RABGAP1L: variants seen among roughly 807,000 people sequenced by gnomAD.
The protein encoded by RABGAP1L is RAB GTPase activating protein 1 like.
A neutral mutation model predicts 137.7 loss-of-function variants in RABGAP1L; 63 were observed. The observed-to-expected ratio is 0.46, with a 90% CI of 0.37 to 0.56. The LOEUF (loss-of-function observed/expected upper bound fraction) is 0.56. RABGAP1L is among the 20% of genes least tolerant of loss of function. The pLI is 0.00. For synonymous variants in RABGAP1L, 431 were observed against 433.7 expected (o/e 0.99, Z 0.08); for missense variants, 1,095 against 1,244.0 (o/e 0.88, Z 1.80).
In RABGAP1L at chr1:174,814,819, G is replaced by T. The variant is rs189306610; in HGVS notation, c.2340+2859G>T. ...TTCTCCTGCCTCAGCCTCCTGAGTA[G>T]CTGGGACTACAGTCATGTGCCACCA... On this transcript the variant is annotated intron_variant, in intron 19 of 25. Coordinates refer to ENST00000681986, the MANE Select transcript of RABGAP1L (RefSeq NM_001366446.1). Among the ~76,000 whole-genome samples the T allele has an allele frequency of 9.2e-3, 1,402 of 152,076 alleles. 14 individuals carry two copies. Among genetic ancestry groups the T allele is most frequent in the South Asian group, 0.016 (79 of 4,816 alleles).
At chr1:174,557,894 G>T (rs1280678618) in intron 13 of RABGAP1L, among the ~76,000 whole-genome samples, 1 of 152,230 alleles carries the variant, frequency 6.6e-6, no homozygotes, top group East Asian at 1.9e-4. Flanking sequence ...TCAACTTGGG[G>T]TCAGGGTTAT....
chr1:174,347,292 G>A (rs1011886263), intron 11 of RABGAP1L, among the ~76,000 whole-genome samples: 3 of 152,138 alleles, frequency 2.0e-5, no homozygotes, highest in Non-Finnish European at 4.4e-5. Flanking sequence ...TGGATGATCT[G>A]TTCATTGCTG....
chr1:174,722,356 T>G (rs780778033), intron 17 of RABGAP1L, among the ~76,000 whole-genome samples: 1 of 152,256 alleles, frequency 6.6e-6, no homozygotes, highest in Non-Finnish European at 1.5e-5. Flanking sequence ...TATATTGTTT[T>G]GTTATATGTA....
chr1:174,406,227 A>G (rs1287907636), intron 13 of RABGAP1L, among the ~76,000 whole-genome samples: 1 of 152,030 alleles, frequency 6.6e-6, no homozygotes, highest in Non-Finnish European at 1.5e-5. Flanking sequence ...TTGAGAAGTA[A>G]CAGTTTTCTT....
chr1:174,280,079 G>A (rs570324138), intron 10 of RABGAP1L, among the ~76,000 whole-genome samples: 1 of 150,984 alleles, frequency 6.6e-6, no homozygotes, highest in Admixed American at 6.6e-5. Context: ...GAGAGAGAGA[G>A]AGAGAGAGAG....
At chr1:174,195,813 CCTTCTTTCTTTCTATCCTT>C (rs973422184) in intron 1 of RABGAP1L, among the ~76,000 whole-genome samples, 3 of 98,534 alleles carry the variant, frequency 3.0e-5, no homozygotes, top group Non-Finnish European at 6.8e-5. Context: ...TTCTTTCTAT[CCTTCTTTCTTTCTATCCTT>C]CTTCTTCTTT....
intron 13 of RABGAP1L, among the ~76,000 whole-genome samples, chr1:174,554,130 G>T (rs756894131): frequency 6.6e-6 from 1 of 152,148 alleles, no homozygotes; most frequent in Non-Finnish European, 1.5e-5. Context: ...AAAATGAATT[G>T]ATTTAAGGCA....
chr1:174,463,471 A>G (rs1656941376), intron 13 of RABGAP1L, among the ~76,000 whole-genome samples: 1 of 147,058 alleles, frequency 6.8e-6, no homozygotes, highest in African/African-American at 2.5e-5. Flanking sequence ...ATGAGATCAC[A>G]TGGACACAGG....
chr1:174,930,461 T>C (rs1419452085), intron 19 of RABGAP1L, among the ~76,000 whole-genome samples: 1 of 151,742 alleles, frequency 6.6e-6, no homozygotes, highest in Admixed American at 6.6e-5. Context: ...GTGCCTGCAG[T>C]CACATGCCAC....
rs1022255077 is a variant in RABGAP1L at position 174,716,636 on chromosome 1, CTTATTTT to C, written c.2169+14390_2169+14396del. Among the ~76,000 whole-genome samples the C allele has an allele frequency of 4.6e-5, 7 of 152,078 alleles. No homozygotes were observed. In the East Asian group the frequency reaches 5.8e-4, roughly 13 times the overall value. On this transcript the variant is annotated intron_variant, in intron 17 of 25. Coordinates refer to ENST00000681986, the MANE Select transcript of RABGAP1L (RefSeq NM_001366446.1). Reference sequence around the variant, plus strand: ...TGTCTCACCGGGACTTTCAGAGGCTCTTATTTTTTATTTTTTTCTTTCGATACCTTTG... The same window carrying C: ...TGTCTCACCGGGACTTTCAGAGGCTCTTATTTTTTTCTTTCGATACCTTTG...
intron 18 of RABGAP1L, among the ~76,000 whole-genome samples, chr1:174,774,647 A>T (rs1184816659): frequency 6.6e-6 from 1 of 152,136 alleles, no homozygotes; most frequent in Non-Finnish European, 1.5e-5. Context: ...TGGCAGGGCA[A>T]GGCAAGCGGA....
chr1:174,993,261 G>C lies in RABGAP1L; in HGVS notation c.*3260G>C, dbSNP rs2149405306. On this transcript the variant is annotated 3_prime_UTR_variant, in exon 26 of 26. Transcript: ENST00000681986. ...GCCTATCAGGAACACTAATAGGAAT[G>C]CCATTCAACCAGTGTCTTCTGCCCC... 1 of 152,296 alleles carries C rather than the reference G, an allele frequency of 6.6e-6. No homozygotes were observed. The highest frequency in any genetic ancestry group is 3.4e-3 in the Middle Eastern group (1 of 294). The allele number at this position is 152,296 out of a possible 1,614,324, so 9.4% of individuals were successfully genotyped here.
Position 174,919,206 on chromosome 1 carries a change from C to T in RABGAP1L, c.2341-38251C>T, listed in dbSNP as rs375251220. On this transcript the variant is annotated intron_variant, in intron 19 of 25. Transcript: ENST00000681986. The stretch of plus-strand genomic sequence containing the variant: ...GCTAATTTTGTATTTTTAGTAGAGA[C>T]GGGGTTTCTCCATGTTGGTCAGGCT... Among the ~76,000 whole-genome samples, 24 of 152,134 alleles carry T rather than the reference C, an allele frequency of 1.6e-4. 1 individual carries two copies. Among genetic ancestry groups the T allele is most frequent in the African/African-American group, 5.3e-4 (22 of 41,532 alleles).
At chr1:174,220,686 A>G (rs1045250337) in intron 2 of RABGAP1L, 1 of 191,280 alleles carries the variant, frequency 5.2e-6, no homozygotes, top group African/African-American at 2.3e-5. Flanking sequence ...AAGGGGAAAA[A>G]AAGATAAATA....
chr1:174,499,090 A>G (rs1384593284), intron 13 of RABGAP1L, among the ~76,000 whole-genome samples: 1 of 152,078 alleles, frequency 6.6e-6, no homozygotes, highest in Admixed American at 6.6e-5. Flanking sequence ...CATATCCAGT[A>G]GAACTGGGGG....
chr1:174,209,431 C>T (rs1049635547), intron 1 of RABGAP1L, among the ~76,000 whole-genome samples: 1 of 152,138 alleles, frequency 6.6e-6, no homozygotes, highest in African/African-American at 2.4e-5. Flanking sequence ...GCCCTTGGGC[C>T]TTAAGGGAAC....
At chr1:174,310,846 TCTCATA>T (rs1427677076) in intron 11 of RABGAP1L, among the ~76,000 whole-genome samples, 2 of 152,068 alleles carry the variant, frequency 1.3e-5, no homozygotes, top group African/African-American at 4.8e-5. Context: ...GAGAGTATTC[TCTCATA>T]CTCATATTCT....
At chr1:174,929,137 C>T (rs1051402083) in intron 19 of RABGAP1L, among the ~76,000 whole-genome samples, 1 of 152,008 alleles carries the variant, frequency 6.6e-6, no homozygotes, top group Non-Finnish European at 1.5e-5. Context: ...ATGGGTGCAG[C>T]ACACCAACAT....
intron 3 of RABGAP1L, among the ~76,000 whole-genome samples, chr1:174,230,651 A>G (rs1005315828): frequency 2.6e-5 from 4 of 152,130 alleles, no homozygotes; most frequent in East Asian, 1.9e-4. Context: ...GTGCCCTTCT[A>G]TCGTTGTGGG....
Sources: allele counts gnomAD v4.1 joint callset (sites outside exome capture counted in the v4.1 genomes callset), GRCh38; gene constraint gnomAD v4.1.1; transcripts MANE v1.5; gene names NCBI Gene and HGNC (gene_info 2026-07-23, HGNC 2026-07-21).